Variants in MSI2 observed in about 807,000 individuals in gnomAD.
The protein encoded by MSI2 is musashi RNA binding protein 2, also known as RNA-binding protein Musashi homolog 2.
MSI2 carries 17 observed loss-of-function variants against 45.6 expected under a neutral mutation model. That is an observed-to-expected ratio of 0.37 (90% CI 0.26 to 0.56). The LOEUF is 0.56. Ranked by LOEUF, MSI2 falls within the 20% of genes least tolerant of loss-of-function variation. The probability of loss-of-function intolerance (pLI) is 0.77; values close to 1 mark genes in which losing one functional copy is unlikely to be tolerated. For missense variants in MSI2, 293 were observed against 444.2 expected (o/e 0.66, Z 3.06); for synonymous variants, 156 against 158.2 (o/e 0.99, Z 0.11).
intron 10 of MSI2, chr17:57,632,030 A>T: frequency 7.4e-7 from 1 of 1,359,482 alleles, no homozygotes; most frequent in East Asian, 2.8e-5. Flanking sequence ...AAAAAAAATT[A>T]TTCTCCAGTC....
At chr17:57,307,991 C>T (rs1231267027) in intron 5 of MSI2, among the ~76,000 whole-genome samples, 3 of 152,184 alleles carry the variant, frequency 2.0e-5, no homozygotes, top group Non-Finnish European at 2.9e-5. Flanking sequence ...GACAGACAGA[C>T]GATGCTCAGT....
At chr17:57,564,003 C>T (rs1225806642) in intron 7 of MSI2, among the ~76,000 whole-genome samples, 2 of 152,316 alleles carry the variant, frequency 1.3e-5, no homozygotes, top group African/African-American at 2.4e-5. Context: ...TCACATTTCC[C>T]AAGCGCAGCC....
At chr17:57,340,369 G>A (rs1915030688) in intron 5 of MSI2, among the ~76,000 whole-genome samples, 1 of 152,176 alleles carries the variant, frequency 6.6e-6, no homozygotes, top group South Asian at 2.1e-4. Flanking sequence ...CTCCACTTCT[G>A]CATCTGCAGA....
intron 11 of MSI2, among the ~76,000 whole-genome samples, chr17:57,653,509 G>A (rs566088518): frequency 1.3e-5 from 2 of 152,278 alleles, no homozygotes; most frequent in African/African-American, 2.4e-5. Flanking sequence ...CGGGGGCGGG[G>A]TGCACAGCTG....
At chr17:57,297,907 A>C (rs1432906266) in intron 5 of MSI2, among the ~76,000 whole-genome samples, 2 of 152,208 alleles carry the variant, frequency 1.3e-5, no homozygotes, top group East Asian at 3.8e-4. Context: ...ATTCAGTCAC[A>C]TCTTAGGCTC....
chr17:57,675,159 C>T lies in MSI2; in HGVS notation c.945+33C>T, dbSNP rs781130962. 3.1e-6 allele frequency: 5 copies of T among 1,592,904 alleles called. No individual in the cohort carries two copies. The South Asian group carries it at 5.7e-5, about 18-fold the overall frequency. On this transcript the variant is annotated intron_variant, in intron 12 of 13. Transcript: ENST00000284073. ...CCTGCCTTCCCCTGCCCTCCTGCCT[C>T]CTCCTTCCTGACCAGCTCCTTGTGG... is the stretch of plus-strand genomic sequence containing the variant.
rs572174581 is a variant in MSI2 at position 57,598,893 on chromosome 17, C to T, written c.537+1943C>T. Among the ~76,000 whole-genome samples the T allele has an allele frequency of 3.3e-5, 5 of 152,306 alleles. No individual in the cohort carries two copies. The East Asian group carries it at 7.7e-4, about 23-fold the overall frequency. ...GGCCAGGCTGATCTCAAACTCCTGACGTCAAGTGATCCACCTGCCTCGGCC... is the reference window on the plus strand; with the variant it reads ...GGCCAGGCTGATCTCAAACTCCTGATGTCAAGTGATCCACCTGCCTCGGCC... On this transcript the variant is annotated intron_variant, in intron 8 of 13. Coordinates refer to ENST00000284073, the MANE Select transcript of MSI2 (RefSeq NM_138962.4).
intron 7 of MSI2, among the ~76,000 whole-genome samples, chr17:57,576,590 T>C (rs2088052640): frequency 6.6e-6 from 1 of 152,026 alleles, no homozygotes; most frequent in African/African-American, 2.4e-5. Flanking sequence ...ACCCTGTCTC[T>C]ACTAAAAATA....
At chr17:57,649,355 A>G (rs1910947530) in intron 10 of MSI2, among the ~76,000 whole-genome samples, 1 of 151,764 alleles carries the variant, frequency 6.6e-6, no homozygotes, top group Admixed American at 6.6e-5. Context: ...CAACACATAT[A>G]CACAACACAT....
Position 57,392,895 on chromosome 17 carries a change from T to C in MSI2, c.313-8484T>C, listed in dbSNP as rs1598208766. Among the ~76,000 whole-genome samples the C allele has an allele frequency of 2.6e-5, 4 of 152,240 alleles. 1 individual carries two copies. Among genetic ancestry groups the C allele is most frequent in the South Asian group, 4.2e-4 (2 of 4,816 alleles). Reference sequence around the variant, plus strand: ...TTTTTTTGACAGCTTTATTGAGATATAATTCAAATACCATATAATTCACTC... The same window carrying C: ...TTTTTTTGACAGCTTTATTGAGATACAATTCAAATACCATATAATTCACTC... On this transcript the variant is annotated intron_variant, in intron 5 of 13. Coordinates refer to ENST00000284073, the MANE Select transcript of MSI2 (RefSeq NM_138962.4).
At chr17:57,646,856 CAG>C (rs1491529567) in intron 10 of MSI2, among the ~76,000 whole-genome samples, 2 of 75,674 alleles carry the variant, frequency 2.6e-5, no homozygotes, top group African/African-American at 1.5e-4. Context: ...GGTTCCCAAA[CAG>C]AGGAGCATAA....
chr17:57,654,878 T>C (rs1911469348), intron 11 of MSI2, among the ~76,000 whole-genome samples: 1 of 151,980 alleles, frequency 6.6e-6, no homozygotes, highest in South Asian at 2.1e-4. Flanking sequence ...GACGGCCCTT[T>C]TTTTGTCTTT....
At chr17:57,453,418 TG>T (rs1426989731) in intron 6 of MSI2, among the ~76,000 whole-genome samples, 20 of 152,188 alleles carry the variant, frequency 1.3e-4, no homozygotes, top group Non-Finnish European at 1.5e-5. Context: ...GCCCAGGTGA[TG>T]AGCACTACAG....
At chr17:57,286,419 G>A (rs1457093132) in intron 5 of MSI2, among the ~76,000 whole-genome samples, 1 of 152,164 alleles carries the variant, frequency 6.6e-6, no homozygotes, top group African/African-American at 2.4e-5. Flanking sequence ...GTGTCTCTGA[G>A]AGTCATTGAT....
intron 5 of MSI2, among the ~76,000 whole-genome samples, chr17:57,328,421 C>A (rs1489690322): frequency 6.6e-6 from 1 of 152,222 alleles, no homozygotes; most frequent in Non-Finnish European, 1.5e-5. Flanking sequence ...CTGGTGAATT[C>A]TTTCTTTCCT....
At chr17:57,674,315 T>C (rs1439370314) in intron 11 of MSI2, among the ~76,000 whole-genome samples, 3 of 151,656 alleles carry the variant, frequency 2.0e-5, no homozygotes, top group Non-Finnish European at 4.4e-5. Flanking sequence ...GAGATCTTTT[T>C]TGTCTTTTTT....
chr17:57,633,644 G>A (rs1013108435), intron 10 of MSI2, among the ~76,000 whole-genome samples: 15 of 152,190 alleles, frequency 9.9e-5, no homozygotes, highest in South Asian at 6.2e-4. Context: ...ATATGAAGCC[G>A]GAGGACCTGG....
At chr17:57,630,618 C>T (rs1440736705) in intron 10 of MSI2, 1 of 152,290 alleles carries the variant, frequency 6.6e-6, no homozygotes, top group Non-Finnish European at 1.5e-5. Flanking sequence ...CCCCTCCTGA[C>T]CCCCTCCCAA....
intron 5 of MSI2, among the ~76,000 whole-genome samples, chr17:57,359,043 C>G: frequency 6.6e-6 from 1 of 152,186 alleles, no homozygotes; most frequent in Non-Finnish European, 1.5e-5. Context: ...AACTGTTCAG[C>G]AGAGCAGGTG....
Sources: allele counts gnomAD v4.1 joint callset (sites outside exome capture counted in the v4.1 genomes callset), GRCh38; gene constraint gnomAD v4.1.1; transcripts MANE v1.5; gene names NCBI Gene and HGNC (gene_info 2026-07-23, HGNC 2026-07-21).